Variants in ACTR3C observed in about 807,000 individuals in gnomAD.
The protein encoded by ACTR3C is actin-related protein 3C.
In ACTR3C, 18 loss-of-function variants were observed where a neutral mutation model predicts 26.3. The ratio of observed to expected loss-of-function variants is 0.68; its 90% CI spans 0.47 to 1.01. The LOEUF (loss-of-function observed/expected upper bound fraction) is 1.01, where lower values mean the gene tolerates loss of function less well. ACTR3C is among the 50% of genes least tolerant of loss of function. The pLI is 0.00. For missense variants in ACTR3C, 184 were observed against 250.7 expected, an observed-to-expected ratio of 0.73 and a Z score of 1.80; for synonymous variants, 55 against 94.5, an observed-to-expected ratio of 0.58 and a Z score of 2.42.
the ACTR3C span, among the ~76,000 whole-genome samples, chr7:150,009,201 C>T: frequency 3.9e-5 from 6 of 152,356 alleles, no homozygotes; most frequent in East Asian, 9.7e-4. Context: ...GGTGCTGGGG[C>T]AGGTGCTGTG....
intron 6 of ACTR3C, among the ~76,000 whole-genome samples, chr7:150,260,816 CT>C (rs1833583141): frequency 6.6e-6 from 1 of 152,182 alleles, no homozygotes; most frequent in African/African-American, 2.4e-5. Flanking sequence ...CAAAACAGAA[CT>C]TTATTAACAG....
chr7:150,183,865 G>T, the ACTR3C span, among the ~76,000 whole-genome samples: 2 of 150,010 alleles, frequency 1.3e-5, no homozygotes, highest in Non-Finnish European at 2.9e-5. Flanking sequence ...TATGGGTGTG[G>T]TTCCCCCCAG....
chr7:150,194,747 C>A, the ACTR3C span, among the ~76,000 whole-genome samples: 1 of 151,830 alleles, frequency 6.6e-6, no homozygotes, highest in Non-Finnish European at 1.5e-5. Flanking sequence ...TTGGTGGTTG[C>A]CCTAAGGTTT....
chr7:150,140,331 G>C, the ACTR3C span, among the ~76,000 whole-genome samples: 1 of 152,010 alleles, frequency 6.6e-6, no homozygotes, highest in African/African-American at 2.4e-5. Flanking sequence ...ATGTGTTTTT[G>C]TCCAACTAAA....
At chr7:150,014,575 T>C in the ACTR3C span, among the ~76,000 whole-genome samples, 1 of 151,770 alleles carries the variant, frequency 6.6e-6, no homozygotes, top group Non-Finnish European at 1.5e-5. Context: ...ATTAAGGGAG[T>C]TCTAGGCGGC....
chr7:149,899,655 A>G, the ACTR3C span, among the ~76,000 whole-genome samples: 1 of 151,016 alleles, frequency 6.6e-6, no homozygotes, highest in African/African-American at 2.4e-5. Flanking sequence ...TATATAAGAA[A>G]AGATTTAGCA....
chr7:150,118,326 A>G, the ACTR3C span, among the ~76,000 whole-genome samples: 1 of 152,192 alleles, frequency 6.6e-6, no homozygotes, highest in Non-Finnish European at 1.5e-5. Context: ...CAAGGAAGCT[A>G]AGAACTTTGA....
At chr7:150,122,623 C>T in the ACTR3C span, among the ~76,000 whole-genome samples, 3 of 152,200 alleles carry the variant, frequency 2.0e-5, no homozygotes, top group Non-Finnish European at 2.9e-5. Context: ...AATAAGAACG[C>T]TTTTACACTG....
the ACTR3C span, among the ~76,000 whole-genome samples, chr7:149,922,504 G>A: frequency 1.3e-5 from 2 of 149,994 alleles, no homozygotes; most frequent in African/African-American, 2.4e-5. Context: ...CTGCTGTAAC[G>A]ACTGTGAGTA....
the ACTR3C span, among the ~76,000 whole-genome samples, chr7:150,122,295 C>A: frequency 1.3e-5 from 2 of 150,288 alleles, no homozygotes; most frequent in Admixed American, 6.6e-5. Flanking sequence ...AAACAAAAAA[C>A]AACTATCATC....
At chr7:149,988,727 C>T in the ACTR3C span, among the ~76,000 whole-genome samples, 1 of 152,142 alleles carries the variant, frequency 6.6e-6, no homozygotes, top group Non-Finnish European at 1.5e-5. Context: ...AATGCATCAT[C>T]CTTTGGCCCC....
the ACTR3C span, among the ~76,000 whole-genome samples, chr7:150,190,188 TG>T: frequency 6.6e-6 from 1 of 152,248 alleles, no homozygotes; most frequent in African/African-American, 2.4e-5. Flanking sequence ...TGCATGTGTT[TG>T]TTTTGCATCC....
chr7:149,937,844 C>A, the ACTR3C span, among the ~76,000 whole-genome samples: 1 of 152,236 alleles, frequency 6.6e-6, no homozygotes, highest in Admixed American at 6.5e-5. Context: ...AGCCCAGGCA[C>A]CTGGGCAAAA....
At chr7:150,127,636 G>C in the ACTR3C span, among the ~76,000 whole-genome samples, 27,736 of 152,000 alleles carry the variant, frequency 0.18, 2,758 homozygotes, top group Non-Finnish European at 0.23. Flanking sequence ...CCAACAACTA[G>C]AAAGCAGAAA....
the ACTR3C span, among the ~76,000 whole-genome samples, chr7:150,016,118 C>T: frequency 1.3e-5 from 2 of 152,072 alleles, no homozygotes; most frequent in Admixed American, 1.3e-4. Context: ...CACTACAGGG[C>T]CTTTGCTACT....
At chr7:150,124,115 C>G in the ACTR3C span, among the ~76,000 whole-genome samples, 1 of 152,132 alleles carries the variant, frequency 6.6e-6, no homozygotes, top group Non-Finnish European at 1.5e-5. Flanking sequence ...ATTGTGACTT[C>G]CAGGCAGGTG....
chr7:150,181,809 TG>T, the ACTR3C span, among the ~76,000 whole-genome samples: 6 of 150,498 alleles, frequency 4.0e-5, no homozygotes, highest in Admixed American at 6.6e-5. Flanking sequence ...AGCTAGGGGA[TG>T]AGATTACCCC....
chr7:150,126,782 C>A, the ACTR3C span, among the ~76,000 whole-genome samples: 1 of 152,130 alleles, frequency 6.6e-6, no homozygotes, highest in African/African-American at 2.4e-5. Context: ...ATAGGTAAGT[C>A]CCCCTTCTGA....
the ACTR3C span, among the ~76,000 whole-genome samples, chr7:150,166,948 A>G: frequency 4.7e-4 from 71 of 150,464 alleles, 3 homozygotes; most frequent in African/African-American, 1.6e-3. Flanking sequence ...ATGACAACCT[A>G]TAGTTCCATG....
Sources: gnomAD v4.1 joint callset for allele counts (sites outside exome capture counted in the v4.1 genomes callset) on GRCh38, gnomAD v4.1.1 for gene constraint, MANE v1.5 for transcripts, NCBI Gene and HGNC (gene_info 2026-07-23, HGNC 2026-07-21) for gene names.